The following ROS1 variants were observed in gnomAD, a reference collection of about 807,000 sequenced individuals.
ROS1 encodes proto-oncogene tyrosine-protein kinase ROS.
ROS1 carries 263 observed loss-of-function variants against 273.5 expected under a neutral mutation model. The ratio of observed to expected loss-of-function variants is 0.96; its 90% CI spans 0.87 to 1.06. The LOEUF (loss-of-function observed/expected upper bound fraction) is 1.06. ROS1 is among the 50% of genes least tolerant of loss of function. The probability of loss-of-function intolerance (pLI) is 0.00; values close to 1 mark genes in which losing one functional copy is unlikely to be tolerated. For missense variants in ROS1, 2,833 were observed against 2,751.1 expected (o/e 1.03, Z -0.67); for synonymous variants, 1,008 against 954.1 (o/e 1.06, Z -1.04).
At chr6:117,389,992 G>A in intron 12 of ROS1, 146 bp from the exon 13 acceptor site, 2 of 711,276 alleles carry the variant, frequency 2.8e-6, no homozygotes, top group South Asian at 2.2e-5. Flanking sequence ...GTAGAAAAAG[G>A]TAATTTCCTA....
At chr6:117,301,386 G>T in intron 42 of ROS1, 1 of 324,994 alleles carries the variant, frequency 3.1e-6, no homozygotes, top group Non-Finnish European at 5.6e-6. Context: ...CAAATAAATA[G>T]ATGGATAAGT....
chr6:117,332,102 A>G (rs890422002), intron 32 of ROS1, among the ~76,000 whole-genome samples: 1 of 151,986 alleles, frequency 6.6e-6, no homozygotes, highest in African/African-American at 2.4e-5. Flanking sequence ...TCTATCTTAC[A>G]TGCAAAGACA....
intron 18 of ROS1, among the ~76,000 whole-genome samples, chr6:117,378,179 T>C (rs187766041): frequency 9.5e-4 from 145 of 152,304 alleles, no homozygotes; most frequent in Non-Finnish European, 1.6e-3. Context: ...TAGGTATTTA[T>C]CCAAGTATAC....
At chr6:117,290,591 G>T (rs962776689) in intron 43 of ROS1, among the ~76,000 whole-genome samples, 1 of 152,118 alleles carries the variant, frequency 6.6e-6, no homozygotes, top group East Asian at 1.9e-4. Flanking sequence ...GACATATGCC[G>T]GCTGACTGGC....
rs147528603 is a variant in ROS1 at position 117,387,563 on chromosome 6, G to C, written c.1999+217C>G. ...TATCTTGGAAAGTTTAAAATGGCAG[G>C]TTAGAAACACTAATTAAATATCACA... On this transcript the variant is annotated intron_variant, in intron 14 of 43. Coordinates refer to ENST00000368507, the MANE Select transcript of ROS1 (RefSeq NM_001378902.1). Among the ~76,000 whole-genome samples the C allele has an allele frequency of 4.5e-4, 68 of 152,238 alleles. 1 individual carries two copies. The East Asian group carries it at 0.012, about 27-fold the overall frequency.
At chr6:117,333,417 A>G (rs147199000) in intron 32 of ROS1, among the ~76,000 whole-genome samples, 14,407 of 152,224 alleles carry the variant, frequency 0.095, 871 homozygotes, top group Middle Eastern at 0.13. Flanking sequence ...CCAGAAATAC[A>G]AAGAGGAGCT....
chr6:117,388,747 C>A (rs971658444), intron 13 of ROS1, among the ~76,000 whole-genome samples: 1 of 152,098 alleles, frequency 6.6e-6, no homozygotes, highest in African/African-American at 2.4e-5. Context: ...GTGCTAGATA[C>A]TGTTCTAAGT....
intron 32 of ROS1, among the ~76,000 whole-genome samples, chr6:117,333,838 C>T (rs564974290): frequency 2.2e-4 from 33 of 152,240 alleles, no homozygotes; most frequent in African/African-American, 7.7e-4. Context: ...TTTTATGGAA[C>T]ATATCTCTAA....
At chr6:117,381,815 T>C (rs1772173811) in intron 17 of ROS1, among the ~76,000 whole-genome samples, 1 of 152,156 alleles carries the variant, frequency 6.6e-6, no homozygotes, top group Admixed American at 6.6e-5. Flanking sequence ...CTTTAAGAAA[T>C]CTCTGCACTG....
At chr6:117,295,096 G>A (rs888199273) in intron 43 of ROS1, among the ~76,000 whole-genome samples, 2 of 152,092 alleles carry the variant, frequency 1.3e-5, no homozygotes. Flanking sequence ...CATAGTGCTG[G>A]CATAAAAACT....
chr6:117,324,189 A>G, intron 35 of ROS1, 143 bp downstream of exon 35: 2 of 594,246 alleles, frequency 3.4e-6, no homozygotes, highest in East Asian at 3.0e-5. Flanking sequence ...TTATAAATGT[A>G]TAGCCAAAGG....
intron 26 of ROS1, among the ~76,000 whole-genome samples, chr6:117,355,590 A>C (rs1225042586): frequency 1.3e-5 from 2 of 152,128 alleles, no homozygotes; most frequent in African/African-American, 2.4e-5. Flanking sequence ...CTGCGAGATT[A>C]AAATGTTTAA....
intron 7 of ROS1, 93 bp downstream of exon 7, chr6:117,403,046 A>C: frequency 7.1e-7 from 1 of 1,399,116 alleles, no homozygotes; most frequent in Admixed American, 1.7e-5. Flanking sequence ...ATTAATAGGA[A>C]GGAATAGATT....
In ROS1 at chr6:117,297,723, A is replaced by T. The variant is rs75135170; in HGVS notation, c.6715+3251T>A. ...ATTACTAAAAAGTCAAAAATAATAG[A>T]TGTTGGCGAGGATGCAGACAAAGAG... is the stretch of plus-strand genomic sequence containing the variant. On this transcript the variant is annotated intron_variant, in intron 43 of 43. Coordinates refer to ENST00000368507, the MANE Select transcript of ROS1 (RefSeq NM_001378902.1). Among the ~76,000 whole-genome samples the T allele has an allele frequency of 2.2e-4, 33 of 152,262 alleles. No individual in the cohort carries two copies. The East Asian group carries it at 6.0e-3, about 28-fold the overall frequency.
At chr6:117,405,592 C>G (rs182026962) in intron 5 of ROS1, among the ~76,000 whole-genome samples, 1 of 150,938 alleles carries the variant, frequency 6.6e-6, no homozygotes, top group East Asian at 1.9e-4. Context: ...CAGATGTGAT[C>G]AGTTATATAA....
chr6:117,366,149 G>A lies in ROS1; in HGVS notation c.2724C>T (p.Thr908=). 1.2e-6 allele frequency: 2 copies of A among 1,614,066 alleles called. No individual in the cohort carries two copies. The highest frequency in any genetic ancestry group is 2.2e-5 in the East Asian group (1 of 44,862). ...IITTQEIGQK[T]SVSVLEPARF... is the part of the protein sequence containing the mutation. ...TGGCTGGTTCCAAAACAGAGACACTGGTTTTCTGACCTATTTCTTGAGTTG... is the reference window on the plus strand; with the variant it reads ...TGGCTGGTTCCAAAACAGAGACACTAGTTTTCTGACCTATTTCTTGAGTTG... The change falls in exon 19 of 44, where the codon ACC becomes ACT. Residue 908 remains threonine, a synonymous_variant. Coordinates refer to ENST00000368507, the MANE Select transcript of ROS1 (RefSeq NM_001378902.1).
intron 5 of ROS1, among the ~76,000 whole-genome samples, chr6:117,405,998 C>G (rs925871728): frequency 6.6e-6 from 1 of 152,004 alleles, no homozygotes; most frequent in Non-Finnish European, 1.5e-5. Flanking sequence ...TAAAAAATAG[C>G]TATTTTTGGC....
chr6:117,401,181 T>C (rs9398457), intron 7 of ROS1, among the ~76,000 whole-genome samples: 2 of 152,054 alleles, frequency 1.3e-5, no homozygotes, highest in Non-Finnish European at 2.9e-5. Flanking sequence ...TCACCATCCT[T>C]GTCAGAGCCA....
At chr6:117,304,205 T>G (rs1428682016) in intron 42 of ROS1, among the ~76,000 whole-genome samples, 1 of 152,208 alleles carries the variant, frequency 6.6e-6, no homozygotes, top group African/African-American at 2.4e-5. Context: ...CTCTATAACC[T>G]GTGCCATTTA....
Sources: gnomAD v4.1 joint callset for allele counts (sites outside exome capture counted in the v4.1 genomes callset) on GRCh38, gnomAD v4.1.1 for gene constraint, MANE v1.5 for transcripts, NCBI Gene and HGNC (gene_info 2026-07-23, HGNC 2026-07-21) for gene names.